SMAD2: variants seen among roughly 807,000 people sequenced by gnomAD.
The protein encoded by SMAD2 is SMAD family member 2.
In SMAD2, 8 loss-of-function variants were observed where a neutral mutation model predicts 64.4. The observed-to-expected ratio is 0.12, with a 90% CI of 0.07 to 0.22. The LOEUF is 0.22. Ranked by LOEUF, SMAD2 falls within the 10% of genes least tolerant of loss-of-function variation. The pLI is 1.00. For synonymous variants in SMAD2, 203 were observed against 195.8 expected, an observed-to-expected ratio of 1.04 and a Z score of -0.31; for missense variants, 289 against 561.2, an observed-to-expected ratio of 0.51 and a Z score of 4.90.
intron 1 of SMAD2, among the ~76,000 whole-genome samples, chr18:47,912,715 TC>T (rs2034185136): frequency 6.6e-6 from 1 of 152,086 alleles, no homozygotes; most frequent in Non-Finnish European, 1.5e-5. Flanking sequence ...GCATGAGTAA[TC>T]TCTCTGTTCC....
At chr18:47,851,733 CTTAT>C (rs1342840169) in intron 6 of SMAD2, among the ~76,000 whole-genome samples, 1 of 151,920 alleles carries the variant, frequency 6.6e-6, no homozygotes, top group African/African-American at 2.4e-5. Context: ...AATGTGTTTC[CTTAT>C]TTGTCTATCT....
Position 47,823,730 on chromosome 18 carries a change from A to G in SMAD2, c.*18097T>C, listed in dbSNP as rs1255287525. On this transcript the variant is annotated 3_prime_UTR_variant, in exon 11 of 11. Coordinates refer to ENST00000262160, the MANE Select transcript of SMAD2 (RefSeq NM_005901.6). ...AGAGCAAGAATTGTATTACAATTTG[A>G]TTTATTCAATTGGTTGCCTGTAAGC... 6.6e-6 allele frequency: 1 copy of G among 152,222 alleles called. No homozygotes were observed. Among genetic ancestry groups the G allele is most frequent in the African/African-American group, 2.4e-5 (1 of 41,458 alleles). The allele number at this position is 152,222 out of a possible 1,614,324, so 9.4% of individuals were successfully genotyped here.
At chr18:47,845,631 T>A (rs755495264) in intron 9 of SMAD2, 32 bp downstream of exon 9, 6 of 1,612,266 alleles carry the variant, frequency 3.7e-6, no homozygotes, top group Non-Finnish European at 5.1e-6. Context: ...CAAGTTGACA[T>A]GATAGGTTTA....
intron 5 of SMAD2, among the ~76,000 whole-genome samples, chr18:47,865,813 T>C (rs2031512226): frequency 6.6e-6 from 1 of 152,174 alleles, no homozygotes; most frequent in African/African-American, 2.4e-5. Flanking sequence ...ATTTCCAACA[T>C]GTTGTCTGAA....
At chr18:47,845,286 C>T (rs2144286692) in intron 10 of SMAD2, 54 bp downstream of exon 10, 1 of 1,475,566 alleles carries the variant, frequency 6.8e-7, no homozygotes, top group Non-Finnish European at 9.5e-7. Flanking sequence ...TGCAAGAATG[C>T]AATGAAACAT....
chr18:47,927,113 C>G (rs1182849630), intron 1 of SMAD2, among the ~76,000 whole-genome samples: 1 of 152,186 alleles, frequency 6.6e-6, no homozygotes, highest in Admixed American at 6.5e-5. Context: ...TTATTCAACT[C>G]TGCTTTCTTT....
chr18:47,852,817 A>G (rs1598768652), intron 6 of SMAD2, among the ~76,000 whole-genome samples: 1 of 152,168 alleles, frequency 6.6e-6, no homozygotes, highest in South Asian at 2.1e-4. Context: ...CAAAATAAGA[A>G]CCACCACAGA....
intron 2 of SMAD2, among the ~76,000 whole-genome samples, chr18:47,871,888 C>CTGAGTT (rs58313729): frequency 0.55 from 83,770 of 151,340 alleles, 23,538 homozygotes; most frequent in East Asian, 0.82. Flanking sequence ...ACTTCTGAGT[C>CTGAGTT]TATTAAAGAA....
Position 47,841,067 on chromosome 18 carries a change from T to C in SMAD2, c.*760A>G, listed in dbSNP as rs1345337821. 8.6e-6 allele frequency: 2 copies of C among 231,928 alleles called. No individual in the cohort carries two copies. The highest frequency in any genetic ancestry group is 1.7e-5 in the Non-Finnish European group (2 of 117,576). 14.4% of individuals were successfully genotyped at this position (231,928 alleles called of 1,614,324 possible). On this transcript the variant is annotated 3_prime_UTR_variant, in exon 11 of 11. Transcript: ENST00000262160. ...ATGTCATGTTATGCTGTTTTGATTA[T>C]GAGGACAAAAATGGGAATGGAAAAA...
intron 2 of SMAD2, among the ~76,000 whole-genome samples, chr18:47,887,666 A>G (rs960045635): frequency 1.3e-5 from 2 of 152,188 alleles, no homozygotes; most frequent in Non-Finnish European, 2.9e-5. Context: ...AAACTCTGAC[A>G]AAGTGCTGGC....
At chr18:47,850,931 A>G (rs1418296003) in intron 7 of SMAD2, among the ~76,000 whole-genome samples, 3 of 130,378 alleles carry the variant, frequency 2.3e-5, no homozygotes, top group African/African-American at 8.6e-5. Flanking sequence ...GTCAATGTGT[A>G]TATATGTAAT....
chr18:47,822,753 C>T lies in SMAD2; in HGVS notation c.*19074G>A, dbSNP rs1912616887. ...GGAATGCAGTGGCACGATCTTGTTT[C>T]AGTGCAACTTCTGCCTCCAGGGTTC... On this transcript the variant is annotated 3_prime_UTR_variant, in exon 11 of 11. Coordinates refer to ENST00000262160, the MANE Select transcript of SMAD2 (RefSeq NM_005901.6). 6.6e-6 allele frequency: 1 copy of T among 152,280 alleles called. No homozygotes were observed. The highest frequency in any genetic ancestry group is 1.5e-5 in the Non-Finnish European group (1 of 68,066). 9.4% of individuals were successfully genotyped at this position (152,280 alleles called of 1,614,324 possible). A position where few individuals can be genotyped will look rare whatever the true frequency, so the allele number is the denominator to read the frequency against.
rs934546391 is a variant in SMAD2 at position 47,837,414 on chromosome 18, T to G, written c.*4413A>C. On this transcript the variant is annotated 3_prime_UTR_variant, in exon 11 of 11. Transcript: ENST00000262160. ...CGTCTCTACTAAAAATACAAAAAAT[T>G]AGCCGAGTGTGGTGGTGGGCGCCTG... 7 of 195,716 alleles carry G rather than the reference T, an allele frequency of 3.6e-5. No individual in the cohort carries two copies. Among genetic ancestry groups the G allele is most frequent in the Non-Finnish European group, 7.4e-5 (7 of 94,600 alleles). The allele number at this position is 195,716 out of a possible 1,614,324, so 12.1% of individuals were successfully genotyped here. A position where few individuals can be genotyped will look rare whatever the true frequency, so the allele number is the denominator to read the frequency against.
rs1036622376 is a variant in SMAD2 at position 47,881,157 on chromosome 18, C to T, written c.237-10593G>A. Reference sequence around the variant, plus strand: ...TAAAACATGCCTATTTTTGTTTATTCTCCAGTACTTCATGTTATTTTTAGA... The same window carrying T: ...TAAAACATGCCTATTTTTGTTTATTTTCCAGTACTTCATGTTATTTTTAGA... On this transcript the variant is annotated intron_variant, in intron 2 of 10. Coordinates refer to ENST00000262160, the MANE Select transcript of SMAD2 (RefSeq NM_005901.6). Among the ~76,000 whole-genome samples, 2 of 152,140 alleles carry T rather than the reference C, an allele frequency of 1.3e-5. 1 individual carries two copies. Among genetic ancestry groups the T allele is most frequent in the South Asian group, 4.1e-4 (2 of 4,830 alleles).
At position 47,827,111 on chromosome 18, in the gene SMAD2, T is replaced by G. The variant is rs1404272791; in HGVS notation, c.*14716A>C. 1 of 152,220 alleles carries G rather than the reference T, an allele frequency of 6.6e-6. No homozygotes were observed. The highest frequency in any genetic ancestry group is 6.5e-5 in the Admixed American group (1 of 15,274). The allele number at this position is 152,220 out of a possible 1,614,324, so 9.4% of individuals were successfully genotyped here. A position where few individuals can be genotyped will look rare whatever the true frequency, so the allele number is the denominator to read the frequency against. ...AAGGATTAAAATTAGCAGAATGTTA[T>G]TCTGTCCAGCCATTAAAATCCAAAA... On this transcript the variant is annotated 3_prime_UTR_variant, in exon 11 of 11. Coordinates refer to ENST00000262160, the MANE Select transcript of SMAD2 (RefSeq NM_005901.6).
At chr18:47,894,997 T>A (rs1598852815) in intron 2 of SMAD2, among the ~76,000 whole-genome samples, 1 of 152,192 alleles carries the variant, frequency 6.6e-6, no homozygotes. Context: ...CTCTATCGTC[T>A]TGCATTTAGA....
intron 1 of SMAD2, among the ~76,000 whole-genome samples, chr18:47,917,404 T>C (rs1214935165): frequency 6.6e-6 from 1 of 152,224 alleles, no homozygotes; most frequent in Non-Finnish European, 1.5e-5. Flanking sequence ...GTTGGTTGGA[T>C]TTTTTAAATT....
chr18:47,871,473 G>C (rs189994595), intron 2 of SMAD2, among the ~76,000 whole-genome samples: 2 of 152,204 alleles, frequency 1.3e-5, no homozygotes, highest in African/African-American at 2.4e-5. Context: ...GCAATGGTGA[G>C]AAGCGCTGGC....
intron 2 of SMAD2, among the ~76,000 whole-genome samples, chr18:47,889,999 G>A (rs2033115908): frequency 6.6e-6 from 1 of 152,118 alleles, no homozygotes; most frequent in Non-Finnish European, 1.5e-5. Flanking sequence ...AGGGACAAAG[G>A]TCCTAGGGCA....
Sources: allele counts gnomAD v4.1 joint callset (sites outside exome capture counted in the v4.1 genomes callset), GRCh38; gene constraint gnomAD v4.1.1; transcripts MANE v1.5; gene names NCBI Gene and HGNC (gene_info 2026-07-23, HGNC 2026-07-21).